The following JAZF1 variants were observed in gnomAD, a reference collection of about 807,000 sequenced individuals.
JAZF1 encodes the protein juxtaposed with another zinc finger protein 1.
In JAZF1, 8 loss-of-function variants were observed where a neutral mutation model predicts 26.4. The ratio of observed to expected loss-of-function variants is 0.30; its 90% CI spans 0.18 to 0.55. The LOEUF (loss-of-function observed/expected upper bound fraction) is 0.55. JAZF1 is among the 20% of genes least tolerant of loss of function. The probability of loss-of-function intolerance (pLI) is 0.94; values close to 1 mark genes in which losing one functional copy is unlikely to be tolerated. For synonymous variants in JAZF1, 126 were observed against 122.3 expected (o/e 1.03, Z -0.20); for missense variants, 199 against 322.0 (o/e 0.62, Z 2.92).
intron 1 of JAZF1, among the ~76,000 whole-genome samples, chr7:28,165,954 T>C (rs529588222): frequency 6.6e-5 from 10 of 152,224 alleles, no homozygotes; most frequent in East Asian, 5.8e-4. Flanking sequence ...AAATAGTTAC[T>C]AAACGCATAA....
chr7:28,083,906 C>G (rs1052005958), intron 1 of JAZF1, among the ~76,000 whole-genome samples: 4 of 151,898 alleles, frequency 2.6e-5, no homozygotes, highest in African/African-American at 9.7e-5. Flanking sequence ...ACAATTTCTG[C>G]CAGCCTAAGA....
chr7:27,968,537 A>G (rs1271559397), intron 2 of JAZF1, among the ~76,000 whole-genome samples: 1 of 152,254 alleles, frequency 6.6e-6, no homozygotes. Flanking sequence ...ACAAATATGC[A>G]CATGCCTCTT....
At chr7:28,104,620 T>C (rs956206405) in intron 1 of JAZF1, among the ~76,000 whole-genome samples, 1 of 152,214 alleles carries the variant, frequency 6.6e-6, no homozygotes. Flanking sequence ...TGTGGCCTTA[T>C]TCATGCTTGA....
chr7:27,849,782 C>CACACACACACACACACACACA (rs1554329094), intron 3 of JAZF1, among the ~76,000 whole-genome samples: 1 of 151,142 alleles, frequency 6.6e-6, no homozygotes, highest in Non-Finnish European at 1.5e-5. Context: ...CACCCCTACA[C>CACACACACACACACACACACA]CTCTTCCCGG....
At chr7:28,132,315 A>G (rs1782808036) in intron 1 of JAZF1, among the ~76,000 whole-genome samples, 2 of 152,236 alleles carry the variant, frequency 1.3e-5, no homozygotes, top group East Asian at 3.8e-4. Flanking sequence ...AAATTAAGTC[A>G]TGTTCCAGAA....
chr7:28,031,229 T>C (rs886931150), intron 1 of JAZF1, among the ~76,000 whole-genome samples: 1 of 151,992 alleles, frequency 6.6e-6, no homozygotes, highest in Non-Finnish European at 1.5e-5. Context: ...TTCTAGACCT[T>C]AGGAAAGAGA....
At chr7:28,144,873 T>A (rs1783002190) in intron 1 of JAZF1, among the ~76,000 whole-genome samples, 1 of 152,226 alleles carries the variant, frequency 6.6e-6, no homozygotes, top group South Asian at 2.1e-4. Flanking sequence ...CTTCCAGTAT[T>A]ATTACTCATA....
At chr7:27,959,050 T>G (rs1209403724) in intron 2 of JAZF1, among the ~76,000 whole-genome samples, 1 of 152,170 alleles carries the variant, frequency 6.6e-6, no homozygotes, top group African/African-American at 2.4e-5. Context: ...TTTGAGGAAA[T>G]GCCTACTGAG....
At chr7:27,917,619 G>T (rs1270425691) in intron 2 of JAZF1, among the ~76,000 whole-genome samples, 1 of 152,174 alleles carries the variant, frequency 6.6e-6, no homozygotes, top group East Asian at 1.9e-4. Flanking sequence ...GGTGGAAACA[G>T]GCAATGGAGC....
At chr7:27,858,673 G>C (rs1783318545) in intron 3 of JAZF1, among the ~76,000 whole-genome samples, 1 of 152,162 alleles carries the variant, frequency 6.6e-6, no homozygotes. Flanking sequence ...AAACTGGCTA[G>C]CCATATGCAG....
intron 1 of JAZF1, among the ~76,000 whole-genome samples, chr7:28,065,922 G>A (rs1783873847): frequency 6.6e-6 from 1 of 152,182 alleles, no homozygotes; most frequent in Non-Finnish European, 1.5e-5. Context: ...TGAGCTCCAT[G>A]AAGGAAATTT....
At chr7:28,140,932 T>C (rs1468230883) in intron 1 of JAZF1, among the ~76,000 whole-genome samples, 2 of 152,208 alleles carry the variant, frequency 1.3e-5, no homozygotes, top group African/African-American at 4.8e-5. Flanking sequence ...TAATTTGAAC[T>C]GTTATAATGT....
At chr7:27,950,348 C>T (rs146244424) in intron 2 of JAZF1, among the ~76,000 whole-genome samples, 129 of 152,314 alleles carry the variant, frequency 8.5e-4, no homozygotes, top group African/African-American at 3.0e-3. Context: ...TGCAAAGCTG[C>T]TTCAAGCTCC....
At chr7:27,900,147 C>T (rs1365213441) in intron 2 of JAZF1, among the ~76,000 whole-genome samples, 1 of 152,230 alleles carries the variant, frequency 6.6e-6, no homozygotes, top group Middle Eastern at 3.2e-3. Context: ...AGAATTCTCT[C>T]TGCTTTGCAA....
intron 2 of JAZF1, among the ~76,000 whole-genome samples, chr7:27,989,750 G>C (rs2067334485): frequency 6.6e-6 from 1 of 152,170 alleles, no homozygotes; most frequent in Non-Finnish European, 1.5e-5. Context: ...TCTCACACCA[G>C]TTAGAATGGC....
At chr7:28,100,143 A>G (rs961084146) in intron 1 of JAZF1, among the ~76,000 whole-genome samples, 3 of 152,240 alleles carry the variant, frequency 2.0e-5, no homozygotes, top group African/African-American at 7.2e-5. Context: ...ACAAAGCAGA[A>G]AGTTCTGAAG....
chr7:27,880,356 T>C (rs942404013), intron 3 of JAZF1, among the ~76,000 whole-genome samples: 1 of 152,208 alleles, frequency 6.6e-6, no homozygotes, highest in Non-Finnish European at 1.5e-5. Flanking sequence ...GTTAACTAGC[T>C]GGGCACAGTG....
At chr7:27,929,892 G>A (rs911443688) in intron 2 of JAZF1, among the ~76,000 whole-genome samples, 9 of 151,772 alleles carry the variant, frequency 5.9e-5, no homozygotes, top group Non-Finnish European at 1.0e-4. Flanking sequence ...AAAATTTTGG[G>A]AGAATTTATT....
At chr7:28,089,073 A>C (rs1784252981) in intron 1 of JAZF1, among the ~76,000 whole-genome samples, 1 of 152,244 alleles carries the variant, frequency 6.6e-6, no homozygotes, top group Admixed American at 6.5e-5. Flanking sequence ...AGTGCATTCC[A>C]ATGAGCAATA....
Sources: allele counts gnomAD v4.1 joint callset (sites outside exome capture counted in the v4.1 genomes callset), GRCh38; gene constraint gnomAD v4.1.1; transcripts MANE v1.5; gene names NCBI Gene and HGNC (gene_info 2026-07-23, HGNC 2026-07-21).